The following AKAP13 variants were observed in gnomAD, a reference collection of about 807,000 sequenced individuals.
AKAP13 encodes the protein A-kinase anchoring protein 13.
Under a neutral mutation model 264.5 loss-of-function variants are expected in AKAP13, and 80 were observed. The observed-to-expected ratio is 0.30, with a 90% CI of 0.25 to 0.36. The LOEUF (loss-of-function observed/expected upper bound fraction) is 0.36, where lower values mean the gene tolerates loss of function less well. Among genes scored for constraint, AKAP13 ranks in the 10% least tolerant of loss-of-function variants. The pLI is 1.00. For synonymous variants in AKAP13, 1,380 were observed against 1,250.2 expected, an observed-to-expected ratio of 1.10 and a Z score of -2.19; for missense variants, 3,712 against 3,435.2, an observed-to-expected ratio of 1.08 and a Z score of -2.01.
chr15:85,712,196 C>T (rs1302184122), intron 19 of AKAP13, among the ~76,000 whole-genome samples: 1 of 152,076 alleles, frequency 6.6e-6, no homozygotes, highest in East Asian at 1.9e-4. Flanking sequence ...GAAAACCGCT[C>T]CTTTATGCCC....
At chr15:85,664,195 G>T (rs1410317377) in intron 12 of AKAP13, among the ~76,000 whole-genome samples, 1 of 152,098 alleles carries the variant, frequency 6.6e-6, no homozygotes, top group Non-Finnish European at 1.5e-5. Flanking sequence ...TAATTACTTG[G>T]CATTAGTAGA....
At position 85,396,548 on chromosome 15, in the gene AKAP13, TTACTA is replaced by T. The variant is rs1351781588; in HGVS notation, c.-12+15753_-12+15757del. 3.9e-5 allele frequency among the ~76,000 whole-genome samples: 6 copies of T among 152,200 alleles called. No homozygotes were observed. In the East Asian group the frequency reaches 1.2e-3, roughly 29 times the overall value. On this transcript the variant is annotated intron_variant, in intron 1 of 36. Coordinates refer to ENST00000394518, the MANE Select transcript of AKAP13 (RefSeq NM_007200.5). ...ATATACCATAAAATTCACCCATGCT[TTACTA>T]TAATATGTTTGTCCTAGTTGTCCTG... is the stretch of plus-strand genomic sequence containing the variant.
chr15:85,585,054 G>A (rs2079283032), intron 7 of AKAP13, among the ~76,000 whole-genome samples: 1 of 152,176 alleles, frequency 6.6e-6, no homozygotes, highest in African/African-American at 2.4e-5. Flanking sequence ...CCAGCAAGAG[G>A]ACAACTATGT....
intron 1 of AKAP13, among the ~76,000 whole-genome samples, chr15:85,404,152 G>T (rs1237952011): frequency 1.3e-5 from 2 of 152,140 alleles, no homozygotes; most frequent in African/African-American, 4.8e-5. Flanking sequence ...GATTTTTAAG[G>T]AGAGGGACTG....
intron 19 of AKAP13, among the ~76,000 whole-genome samples, chr15:85,712,762 T>A (rs1222813236): frequency 6.6e-6 from 1 of 152,154 alleles, no homozygotes; most frequent in Non-Finnish European, 1.5e-5. Flanking sequence ...TAGGCTGGTG[T>A]CGAATTTTTG....
At chr15:85,528,835 A>G (rs568045603) in intron 3 of AKAP13, among the ~76,000 whole-genome samples, 32 of 152,294 alleles carry the variant, frequency 2.1e-4, no homozygotes, top group African/African-American at 6.3e-4. Flanking sequence ...GTTTCTTCCA[A>G]TAGTTTCTCT....
chr15:85,409,188 TA>T (rs1361079862), intron 1 of AKAP13, among the ~76,000 whole-genome samples: 2 of 151,832 alleles, frequency 1.3e-5, no homozygotes, highest in African/African-American at 4.9e-5. Context: ...TTAATTTAAT[TA>T]TTTTTTTGAG....
chr15:85,513,669 G>A (rs1172444416), intron 2 of AKAP13, among the ~76,000 whole-genome samples: 1 of 152,162 alleles, frequency 6.6e-6, no homozygotes, highest in Non-Finnish European at 1.5e-5. Context: ...CTAAAATAGG[G>A]ATATTCTCCT....
Position 85,723,093 on chromosome 15 carries a change from A to G in AKAP13, c.6518A>G (p.Asp2173Gly). 8 of 1,614,102 alleles carry G rather than the reference A, an allele frequency of 5.0e-6. No individual in the cohort carries two copies. The highest frequency in any genetic ancestry group is 6.8e-6 in the Non-Finnish European group (8 of 1,179,968). The change falls in exon 26 of 37, where the codon GAT becomes GGT. Residue 2173 changes from aspartate to glycine, a missense_variant. Asp to Gly is a moderately conservative substitution (Grantham distance 94). Around this residue, in one of 3 missense-constraint regions of AKAP13, gnomAD observed 342 missense variants for 484.3 expected, o/e 0.71. Transcript: ENST00000394518. ...CAAGACAATGAAGTGGAGCAGGAAG[A>G]TCTAGCACAGTCCTTGAGCCTGGTG... ...CTKDNEVEQE[D>G]LAQSLSLVKD...
intron 14 of AKAP13, among the ~76,000 whole-genome samples, chr15:85,675,365 A>AT (rs1309328191): frequency 2.6e-5 from 4 of 152,236 alleles, no homozygotes; most frequent in African/African-American, 9.6e-5. Context: ...GCAACAGCAA[A>AT]TAGTGATGTC....
chr15:85,680,258 T>G (rs1003923518), intron 14 of AKAP13, among the ~76,000 whole-genome samples: 4 of 152,196 alleles, frequency 2.6e-5, no homozygotes, highest in African/African-American at 9.7e-5. Flanking sequence ...CACTGAAGTT[T>G]CCTTGGGCAG....
chr15:85,717,214 C>T (rs2087002965), intron 20 of AKAP13, 76 bp from the exon 21 acceptor site: 3 of 908,920 alleles, frequency 3.3e-6, no homozygotes, highest in South Asian at 3.3e-5. Flanking sequence ...CTAGAGTCTT[C>T]AGGTACTCAT....
At chr15:85,673,646 G>A (rs1048306890) in intron 14 of AKAP13, among the ~76,000 whole-genome samples, 2 of 145,586 alleles carry the variant, frequency 1.4e-5, no homozygotes, top group Non-Finnish European at 3.0e-5. Flanking sequence ...AGTTATTACA[G>A]ATGATCCCTT....
intron 5 of AKAP13, among the ~76,000 whole-genome samples, chr15:85,556,860 G>A (rs2078165255): frequency 6.6e-6 from 1 of 152,136 alleles, no homozygotes; most frequent in Admixed American, 6.5e-5. Context: ...ATTTCCAGTC[G>A]AAGACATTTT....
intron 12 of AKAP13, among the ~76,000 whole-genome samples, chr15:85,661,994 A>G (rs919223486): frequency 1.4e-4 from 21 of 151,824 alleles, no homozygotes; most frequent in Admixed American, 1.2e-3. Context: ...TAGAGATACT[A>G]TGGTAAGGGT....
chr15:85,391,626 C>T (rs576630439), intron 1 of AKAP13, among the ~76,000 whole-genome samples: 4 of 150,890 alleles, frequency 2.7e-5, no homozygotes, highest in African/African-American at 9.7e-5. Flanking sequence ...CTGGGACCAC[C>T]GGTGTGCACC....
chr15:85,727,030 T>C lies in AKAP13; in HGVS notation c.6823-36T>C. ...TGTCCTTCAGAGTTAGAATATTGTA[T>C]ATGTATCTTTTATTTGCCCTCTTCC... On this transcript the variant is annotated intron_variant, in intron 27 of 36. Coordinates refer to ENST00000394518, the MANE Select transcript of AKAP13 (RefSeq NM_007200.5). This position sits in a 1 kb window ranked among gnomAD's most constrained non-coding sequence, Gnocchi z 5.3. 1 of 1,610,608 alleles carries C rather than the reference T, an allele frequency of 6.2e-7. No homozygotes were observed. Among genetic ancestry groups the C allele is most frequent in the Non-Finnish European group, 8.5e-7 (1 of 1,177,066 alleles).
chr15:85,409,105 T>C (rs2071817562), intron 1 of AKAP13, among the ~76,000 whole-genome samples: 1 of 151,836 alleles, frequency 6.6e-6, no homozygotes, highest in African/African-American at 2.4e-5. Flanking sequence ...TATGTGGTTA[T>C]TGGCTATTTG....
chr15:85,532,760 T>C (rs1473895890), intron 3 of AKAP13, among the ~76,000 whole-genome samples: 1 of 152,236 alleles, frequency 6.6e-6, no homozygotes, highest in Non-Finnish European at 1.5e-5. Context: ...TGTTAAATCT[T>C]GCTGACCTGT....
Sources: allele counts gnomAD v4.1 joint callset (sites outside exome capture counted in the v4.1 genomes callset), GRCh38; gene constraint gnomAD v4.1.1; regional missense constraint gnomAD v4.1.1; non-coding constraint Gnocchi (gnomAD v3.1); transcripts MANE v1.5; gene names NCBI Gene and HGNC (gene_info 2026-07-23, HGNC 2026-07-21).